Variants in CNBD2 observed in about 807,000 individuals in gnomAD.
The protein encoded by CNBD2 is cyclic nucleotide-binding domain-containing protein 2.
CNBD2 carries 64 observed loss-of-function variants against 63.7 expected under a neutral mutation model. The observed-to-expected ratio is 1.00, with a 90% CI of 0.82 to 1.24. The LOEUF is 1.24. CNBD2 is among the 50% of genes most tolerant of loss of function. The pLI, the probability that CNBD2 is intolerant of heterozygous loss-of-function variation, is 0.00. For missense variants in CNBD2, 691 were observed against 713.5 expected (o/e 0.97, Z 0.36); for synonymous variants, 229 against 255.4 (o/e 0.90, Z 0.99).
downstream of CNBD2, among the ~76,000 whole-genome samples, chr20:35,957,082 CTCTAG>C (rs2056263625): frequency 6.6e-6 from 1 of 152,124 alleles, no homozygotes; most frequent in Admixed American, 6.5e-5. Flanking sequence ...TATGTTAGAT[CTCTAG>C]TCTATTTCTT....
At chr20:35,968,027 A>G (rs2056361160), upstream of CNBD2, among the ~76,000 whole-genome samples, 1 of 152,146 alleles carries the variant, frequency 6.6e-6, no homozygotes, top group African/African-American at 2.4e-5. Flanking sequence ...CTCATGGGCA[A>G]TGAATCCGGA....
At chr20:35,965,460 G>C (rs1417368816), upstream of CNBD2, among the ~76,000 whole-genome samples, 1 of 152,164 alleles carries the variant, frequency 6.6e-6, no homozygotes, top group African/African-American at 2.4e-5. Context: ...TTGCAGGCAT[G>C]AGCCACCGCG....
downstream of CNBD2, among the ~76,000 whole-genome samples, chr20:35,958,214 C>T (rs1195153745): frequency 1.3e-5 from 2 of 152,142 alleles, no homozygotes; most frequent in Admixed American, 6.5e-5. Flanking sequence ...AGGCGGATCA[C>T]GAGTTCAGGA....
chr20:35,989,864 A>G lies in CNBD2; in HGVS notation c.855+2331A>G, dbSNP rs1481056120. On this transcript the variant is annotated intron_variant, in intron 7 of 11. Transcript: ENST00000373973. ...TCTAAGAAAGAAAGACAGATGAGAG[A>G]GGGAGAGAGAGAGAGAGAGAGAGAG... Among the ~76,000 whole-genome samples the G allele has an allele frequency of 6.1e-5, 7 of 114,534 alleles. No homozygotes were observed. In the Admixed American group the frequency reaches 6.2e-4, roughly 10 times the overall value. 75.1% of individuals were successfully genotyped at this position (114,534 alleles called of 152,430 possible). A position where few individuals can be genotyped will look rare whatever the true frequency, so the allele number is the denominator to read the frequency against.
rs374807684 is a variant in CNBD2 at position 35,971,073 on chromosome 20, A to G, written c.52-1556A>G. Among the ~76,000 whole-genome samples the G allele has an allele frequency of 6.1e-3, 884 of 144,336 alleles. 11 individuals carry two copies. Among genetic ancestry groups the G allele is most frequent in the African/African-American group, 0.021 (832 of 38,878 alleles). The allele number at this position is 144,336 out of a possible 152,430, so 94.7% of individuals were successfully genotyped here. On this transcript the variant is annotated intron_variant, in intron 1 of 11. Transcript: ENST00000373973. Reference sequence around the variant, plus strand: ...CGCCATTCTCCTGCCTCAGCCTCCCAAGTAGCTGGGACTACAGGCGCCCGC... The same window carrying G: ...CGCCATTCTCCTGCCTCAGCCTCCCGAGTAGCTGGGACTACAGGCGCCCGC...
At position 35,995,000 on chromosome 20, in the gene CNBD2, G is replaced by C. The variant is rs556401871; in HGVS notation, c.856-38G>C. 134 of 1,443,772 alleles carry C rather than the reference G, an allele frequency of 9.3e-5. 1 individual carries two copies. The South Asian group carries it at 1.4e-3, about 15-fold the overall frequency. The allele number at this position is 1,443,772 out of a possible 1,614,324, so 89.4% of individuals were successfully genotyped here. Reference sequence around the variant, plus strand: ...AAAGCCTGGCCTACCTGGAGCCTTAGGGGTTAACCCTTTTCCTATGTCCCT... The same window carrying C: ...AAAGCCTGGCCTACCTGGAGCCTTACGGGTTAACCCTTTTCCTATGTCCCT... On this transcript the variant is annotated intron_variant, in intron 7 of 11. Coordinates refer to ENST00000373973, the MANE Select transcript of CNBD2 (RefSeq NM_001365709.1).
intron 10 of CNBD2, among the ~76,000 whole-genome samples, chr20:36,015,600 T>A (rs1279464376): frequency 6.6e-6 from 1 of 152,022 alleles, no homozygotes; most frequent in Admixed American, 6.6e-5. Flanking sequence ...AAGGAAGAGC[T>A]AGGGGAGGGG....
intron 11 of CNBD2, among the ~76,000 whole-genome samples, chr20:36,028,417 C>G (rs940647908): frequency 3.3e-5 from 5 of 152,114 alleles, no homozygotes; most frequent in African/African-American, 1.2e-4. Context: ...TAGCTCAAAT[C>G]CCTCACGTTT....
chr20:36,005,499 C>T (rs915338142), intron 8 of CNBD2, among the ~76,000 whole-genome samples: 3 of 152,102 alleles, frequency 2.0e-5, no homozygotes, highest in African/African-American at 7.2e-5. Context: ...ATTGGGGACC[C>T]CTGAAATAGT....
At chr20:36,016,383 T>C (rs1411671304) in intron 10 of CNBD2, among the ~76,000 whole-genome samples, 1 of 152,232 alleles carries the variant, frequency 6.6e-6, no homozygotes, top group African/African-American at 2.4e-5. Context: ...AGAGGTTCAC[T>C]AATTGTAACA....
Position 36,030,687 on chromosome 20 carries a change from G to A in CNBD2, c.*39G>A. ...GGGTCCTTATTTAGGACAAATAAAG[G>A]ATGGTGGATTGGGCGCTGTGCTTTC... On this transcript the variant is annotated 3_prime_UTR_variant, in exon 12 of 12. Coordinates refer to ENST00000373973, the MANE Select transcript of CNBD2 (RefSeq NM_001365709.1). 6.2e-7 allele frequency: 1 copy of A among 1,603,844 alleles called. No individual in the cohort carries two copies. The highest frequency in any genetic ancestry group is 1.1e-5 in the South Asian group (1 of 90,442).
intron 10 of CNBD2, among the ~76,000 whole-genome samples, chr20:36,016,433 G>T (rs1350091329): frequency 2.6e-5 from 4 of 152,180 alleles, no homozygotes; most frequent in Admixed American, 6.5e-5. Context: ...TGGATGTGGG[G>T]TATATGGGGA....
At chr20:35,956,443 T>C (rs1034231319), downstream of CNBD2, among the ~76,000 whole-genome samples, 2 of 152,210 alleles carry the variant, frequency 1.3e-5, no homozygotes, top group African/African-American at 2.4e-5. Context: ...ACGACTTCCT[T>C]TAGACAAGAT....
chr20:36,011,028 C>T, intron 9 of CNBD2, 109 bp from the exon 10 acceptor site: 2 of 1,179,306 alleles, frequency 1.7e-6, no homozygotes, highest in Non-Finnish European at 2.2e-6. Context: ...GTTGTGAATT[C>T]CCCAGGGAGG....
At chr20:36,012,477 C>CAAA (rs11471733) in intron 10 of CNBD2, among the ~76,000 whole-genome samples, 30,095 of 139,612 alleles carry the variant, frequency 0.22, 3,277 homozygotes, top group South Asian at 0.41. Flanking sequence ...AACTCCATCT[C>CAAA]AAAAAAAAAA....
At chr20:35,954,436 T>A, upstream of CNBD2, 2 of 1,549,894 alleles carry the variant, frequency 1.3e-6, no homozygotes, top group Non-Finnish European at 1.7e-6. Context: ...GCCGAGAGTG[T>A]GCGGAGCTTA....
Position 35,994,897 on chromosome 20 carries a change from GAA to G in CNBD2, c.856-136_856-135del, listed in dbSNP as rs1601056508. 19 of 580,604 alleles carry G rather than the reference GAA, an allele frequency of 3.3e-5. No homozygotes were observed. The East Asian group carries it at 6.0e-4, about 18-fold the overall frequency. The allele number at this position is 580,604 out of a possible 1,614,324, so 36.0% of individuals were successfully genotyped here. On this transcript the variant is annotated intron_variant, in intron 7 of 11. Transcript: ENST00000373973. ...AAGTGAGACTCCATCTCAAAAAAAA[GAA>G]AAAAGAACCTGAAACCACTTGCATT...
chr20:35,983,902 C>A, intron 4 of CNBD2, 80 bp from the exon 5 acceptor site: 1 of 1,541,570 alleles, frequency 6.5e-7, no homozygotes, highest in Non-Finnish European at 8.9e-7. Flanking sequence ...AAGCAAAGAG[C>A]ACAACCAGTC....
intron 10 of CNBD2, among the ~76,000 whole-genome samples, chr20:36,019,529 G>GAAAAAAAAAAAA (rs60556168): frequency 1.1e-4 from 8 of 71,698 alleles, no homozygotes; most frequent in South Asian, 4.8e-4. Context: ...CTCAAAAAAA[G>GAAAAAAAAAAAA]AAAAAAAAAA....
Sources: gnomAD v4.1 joint callset for allele counts (sites outside exome capture counted in the v4.1 genomes callset) on GRCh38, gnomAD v4.1.1 for gene constraint, MANE v1.5 for transcripts, NCBI Gene and HGNC (gene_info 2026-07-23, HGNC 2026-07-21) for gene names.